SLC10A2: variants seen among roughly 807,000 people sequenced by gnomAD.
SLC10A2 encodes solute carrier family 10 member 2, also known as ileal sodium/bile acid cotransporter.
SLC10A2 carries 34 observed loss-of-function variants against 27.1 expected under a neutral mutation model. The observed-to-expected ratio is 1.26, with a 90% CI of 0.96 to 1.67. The LOEUF (loss-of-function observed/expected upper bound fraction) is 1.67, where lower values mean the gene tolerates loss of function less well. SLC10A2 is among the 40% of genes most tolerant of loss of function. The pLI is 0.00. For synonymous variants in SLC10A2, 205 were observed against 174.0 expected (o/e 1.18, Z -1.40); for missense variants, 530 against 444.4 (o/e 1.19, Z -1.73).
Position 103,065,937 on chromosome 13 carries a change from A to G in SLC10A2, c.313T>C (p.Cys105Arg), listed in dbSNP as rs201206937. 5.6e-5 allele frequency: 91 copies of G among 1,614,210 alleles called. 2 individuals are homozygous for G. In the Middle Eastern group the frequency reaches 6.6e-4, roughly 12 times the overall value. Residue 105 changes from cysteine (C) to arginine (R), a missense_variant, in exon 1 of 6, where the codon TGC (cysteine) becomes CGC (arginine). Transcript: ENST00000245312. ...TTGGAGGCAGTTCCTCCAGGGCAGC[A>G]TCCTATAATGAGCACCACTACGGCC... Reference protein sequence around the residue: ...LQAVVVLIIGCCPGGTASNIL... With the variant: ...LQAVVVLIIGRCPGGTASNIL...
At chr13:103,056,781 G>A (rs1875951073) in intron 2 of SLC10A2, among the ~76,000 whole-genome samples, 1 of 152,062 alleles carries the variant, frequency 6.6e-6, no homozygotes, top group Non-Finnish European at 1.5e-5. Context: ...GTTCTCTCCT[G>A]GAGTCTGAAG....
intron 4 of SLC10A2, among the ~76,000 whole-genome samples, chr13:103,049,710 G>A (rs962203816): frequency 2.6e-5 from 4 of 152,044 alleles, no homozygotes; most frequent in African/African-American, 9.7e-5. Context: ...ATTTACCACA[G>A]TGTTAGGTAA....
At position 103,066,170 on chromosome 13, in the gene SLC10A2, T is replaced by C. The variant is rs147075283; in HGVS notation, c.80A>G (p.Asn27Ser). 748 of 1,614,116 alleles carry C rather than the reference T, an allele frequency of 4.6e-4. 1 individual carries two copies. The highest frequency in any genetic ancestry group is 7.5e-4 in the Admixed American group (45 of 60,014). The change falls in exon 1 of 6, where the codon AAT (asparagine) becomes AGT (serine). Residue 27 changes from asparagine (N) to serine (S), a missense_variant. Asn to Ser is a conservative substitution (Grantham distance 46). Coordinates refer to ENST00000245312, the MANE Select transcript of SLC10A2 (RefSeq NM_000452.3). ...ACTTAGGACCACACTTAGGATGTTA[T>C]TGAAATTGCTCTCAGGTACCACACA... ...ASCVVPESNFNNILSVVLSTV... is the reference protein window; with the variant it reads ...ASCVVPESNFSNILSVVLSTV...
chr13:103,065,513 T>C (rs1876245078), intron 1 of SLC10A2, among the ~76,000 whole-genome samples: 1 of 151,992 alleles, frequency 6.6e-6, no homozygotes. Flanking sequence ...ACAAAGAAAG[T>C]GTATTTTGCT....
At chr13:103,050,323 ACTGC>A (rs1875740563) in intron 4 of SLC10A2, among the ~76,000 whole-genome samples, 1 of 152,104 alleles carries the variant, frequency 6.6e-6, no homozygotes, top group Admixed American at 6.5e-5. Flanking sequence ...TGACTCAAAC[ACTGC>A]GCTCTTCTTG....
At chr13:103,065,731 G>GGAAT in intron 1 of SLC10A2, 142 bp downstream of exon 1, 1 of 910,316 alleles carries the variant, frequency 1.1e-6, no homozygotes, top group South Asian at 1.4e-5. Flanking sequence ...AGAAGGCACG[G>GGAAT]GAATGCATTT....
intron 2 of SLC10A2, among the ~76,000 whole-genome samples, chr13:103,055,027 G>C (rs1385051981): frequency 6.6e-6 from 1 of 152,170 alleles, no homozygotes; most frequent in Non-Finnish European, 1.5e-5. Context: ...AGAAGAATGA[G>C]AATGAAAGAG....
intron 2 of SLC10A2, among the ~76,000 whole-genome samples, chr13:103,055,231 A>C (rs1469817242): frequency 6.6e-6 from 1 of 152,216 alleles, no homozygotes; most frequent in Non-Finnish European, 1.5e-5. Context: ...TGAAATGGCT[A>C]TAAACTTCTT....
Position 103,045,804 on chromosome 13 carries a change from A to G in SLC10A2, c.*329T>C. The G allele has an allele frequency of 5.1e-6, 1 of 195,124 alleles. No individual in the cohort carries two copies. The highest frequency in any genetic ancestry group is 1.1e-5 in the Non-Finnish European group (1 of 94,176). 12.1% of individuals were successfully genotyped at this position (195,124 alleles called of 1,614,324 possible). On this transcript the variant is annotated 3_prime_UTR_variant, in exon 6 of 6. Transcript: ENST00000245312. Reference sequence around the variant, plus strand: ...GCTAGGAAATTCTGCATAAGAATTCAGTTTTGGTGTTAAAGATGTTTTCAT... The same window carrying G: ...GCTAGGAAATTCTGCATAAGAATTCGGTTTTGGTGTTAAAGATGTTTTCAT...
Position 103,066,121 on chromosome 13 carries a change from G to T in SLC10A2, c.129C>A (p.Ala43=). 1 of 1,614,024 alleles carries T rather than the reference G, an allele frequency of 6.2e-7. No individual in the cohort carries two copies. The highest frequency in any genetic ancestry group is 2.2e-5 in the East Asian group (1 of 44,880). The part of the protein sequence containing the change: ...VLSTVLTILL[A]LVMFSMGCNV... The stretch of plus-strand genomic sequence containing the variant: ...TGCATCCCATGGAGAACATCACCAA[G>T]GCCAACAGGATGGTCAGCACCGTAC... The change falls in exon 1 of 6, where the codon GCC becomes GCA. Residue 43 remains alanine (A), a synonymous_variant. Transcript: ENST00000245312.
In SLC10A2 at chr13:103,044,476, A is replaced by G. The variant is rs1595435762; in HGVS notation, c.*1657T>C. 1 of 152,168 alleles carries G rather than the reference A, an allele frequency of 6.6e-6. No homozygotes were observed. Among genetic ancestry groups the G allele is most frequent in the South Asian group, 2.1e-4 (1 of 4,822 alleles). 9.4% of individuals were successfully genotyped at this position (152,168 alleles called of 1,614,324 possible). ...AAGTCTGTACCCCCTCTCCTCCACT[A>G]TCTCTTAAAATTATTTAGTCCATTT... On this transcript the variant is annotated 3_prime_UTR_variant, in exon 6 of 6. Transcript: ENST00000245312.
Position 103,051,414 on chromosome 13 carries a change from C to A in SLC10A2, c.604G>T (p.Ala202Ser), listed in dbSNP as rs144135132. 4.3e-5 allele frequency: 70 copies of A among 1,613,762 alleles called. 1 individual carries two copies. The highest frequency in any genetic ancestry group is 5.8e-5 in the Non-Finnish European group (69 of 1,179,942). ...ACAGCTATGAGCACAATGAGGATGG[C>A]GCCCGCGATGGACCCAATCTGAAAA... is the stretch of plus-strand genomic sequence containing the variant. ...IILKIGSIAG[A>S]ILIVLIAVVG... Residue 202 changes from alanine to serine, a missense_variant, in exon 4 of 6, where the codon GCC becomes TCC. Transcript: ENST00000245312.
chr13:103,058,026 G>A (rs1875989387), intron 2 of SLC10A2, among the ~76,000 whole-genome samples: 1 of 152,076 alleles, frequency 6.6e-6, no homozygotes, highest in African/African-American at 2.4e-5. Flanking sequence ...GCTGGGGAGG[G>A]GGCTCCTTTC....
chr13:103,066,055 C>T lies in SLC10A2; in HGVS notation c.195G>A (p.Pro65=), dbSNP rs200026503. The change falls in exon 1 of 6, where the codon CCG becomes CCA. Residue 65 remains proline, a synonymous_variant. Transcript: ENST00000245312. ...IKKFLGHIKR[P]WGICVGFLCQ... is the part of the protein sequence containing the mutation. ...AGAGGAAGCCAACACAAATGCCCCA[C>T]GGCCGCTTTATGTGCCCTAGAAATT... 56 of 1,614,076 alleles carry T rather than the reference C, an allele frequency of 3.5e-5. No homozygotes were observed. The highest frequency in any genetic ancestry group is 1.6e-4 in the Middle Eastern group (1 of 6,084).
intron 2 of SLC10A2, among the ~76,000 whole-genome samples, chr13:103,057,489 C>T (rs900156615): frequency 1.3e-5 from 2 of 152,258 alleles, no homozygotes; most frequent in African/African-American, 2.4e-5. Context: ...GGCTCACAGT[C>T]GAGTGTTAGA....
At position 103,058,921 on chromosome 13, in the gene SLC10A2, G is replaced by A. The variant is rs575216163; in HGVS notation, c.378-539C>T. ...GTAAATAGTGCTGCGGTGGACATAT[G>A]TGTGCATGTGTCTTTATAATAGAAC... is the stretch of plus-strand genomic sequence containing the variant. On this transcript the variant is annotated intron_variant, in intron 1 of 5. Transcript: ENST00000245312. 5.9e-5 allele frequency among the ~76,000 whole-genome samples: 9 copies of A among 152,290 alleles called. No individual in the cohort carries two copies. The East Asian group carries it at 1.7e-3, about 29-fold the overall frequency.
chr13:103,054,686 T>C (rs1875891085), intron 2 of SLC10A2, among the ~76,000 whole-genome samples: 1 of 152,174 alleles, frequency 6.6e-6, no homozygotes, highest in African/African-American at 2.4e-5. Context: ...GCAGAATTGC[T>C]TTTCTTTCCT....
At chr13:103,047,208 T>C (rs1265412150) in intron 5 of SLC10A2, among the ~76,000 whole-genome samples, 1 of 152,178 alleles carries the variant, frequency 6.6e-6, no homozygotes, top group Non-Finnish European at 1.5e-5. Context: ...TAGTAAATGC[T>C]CAATAAATGT....
intron 1 of SLC10A2, among the ~76,000 whole-genome samples, chr13:103,061,957 C>T (rs549551084): frequency 7.4e-4 from 112 of 151,924 alleles, no homozygotes; most frequent in African/African-American, 2.6e-3. Flanking sequence ...CATACACTGC[C>T]TTGAATTTAT....
Sources: gnomAD v4.1 joint callset for allele counts (sites outside exome capture counted in the v4.1 genomes callset) on GRCh38, gnomAD v4.1.1 for gene constraint, MANE v1.5 for transcripts, NCBI Gene and HGNC (gene_info 2026-07-23, HGNC 2026-07-21) for gene names.